The following GRID2 variants were observed in gnomAD, a reference collection of about 807,000 sequenced individuals.
GRID2 encodes the protein glutamate ionotropic receptor delta type subunit 2.
Under a neutral mutation model 114.8 loss-of-function variants are expected in GRID2, and 33 were observed. That is an observed-to-expected ratio of 0.29 (90% CI 0.22 to 0.38). GRID2 has a LOEUF of 0.38. Among genes scored for constraint, GRID2 ranks in the 10% least tolerant of loss-of-function variants. The probability of loss-of-function intolerance (pLI) is 1.00; values close to 1 mark genes in which losing one functional copy is unlikely to be tolerated. For synonymous variants in GRID2, 505 were observed against 449.9 expected (o/e 1.12, Z -1.55); for missense variants, 1,184 against 1,257.7 (o/e 0.94, Z 0.89).
At chr4:93,663,815 A>G (rs779143906) in intron 14 of GRID2, among the ~76,000 whole-genome samples, 4 of 152,328 alleles carry the variant, frequency 2.6e-5, no homozygotes, top group South Asian at 2.1e-4. Context: ...TTATCATATA[A>G]AAAGTAGTTA....
intron 2 of GRID2, among the ~76,000 whole-genome samples, chr4:92,596,087 C>A (rs1389757524): frequency 6.6e-6 from 1 of 152,158 alleles, no homozygotes; most frequent in African/African-American, 2.4e-5. Context: ...CCCCAACAGC[C>A]TGTGTTTCCT....
At chr4:93,048,604 G>T (rs1309678900) in intron 2 of GRID2, among the ~76,000 whole-genome samples, 1 of 151,970 alleles carries the variant, frequency 6.6e-6, no homozygotes, top group Non-Finnish European at 1.5e-5. Context: ...AAAATTATTT[G>T]TGTGAAAGTA....
chr4:92,776,993 T>C (rs1371684693), intron 2 of GRID2, among the ~76,000 whole-genome samples: 1 of 151,978 alleles, frequency 6.6e-6, no homozygotes, highest in African/African-American at 2.4e-5. Context: ...ATGATTGCAA[T>C]GCATGAAAGT....
chr4:93,527,780 A>T (rs905303921), intron 13 of GRID2, among the ~76,000 whole-genome samples: 5 of 151,934 alleles, frequency 3.3e-5, no homozygotes, highest in Admixed American at 6.6e-5. Context: ...ATACATTTAC[A>T]TTATTGTGCA....
chr4:92,505,510 G>A (rs979549967), intron 1 of GRID2, among the ~76,000 whole-genome samples: 2 of 151,944 alleles, frequency 1.3e-5, no homozygotes, highest in African/African-American at 4.8e-5. Context: ...ATTTTGCACA[G>A]TCAATGGTCA....
intron 2 of GRID2, among the ~76,000 whole-genome samples, chr4:92,950,613 T>G (rs1293961079): frequency 6.6e-6 from 1 of 152,180 alleles, no homozygotes; most frequent in Non-Finnish European, 1.5e-5. Context: ...TAGTTCTTCA[T>G]AGCATGCTTC....
At chr4:93,486,182 CT>C (rs1726386898) in intron 11 of GRID2, among the ~76,000 whole-genome samples, 1 of 151,514 alleles carries the variant, frequency 6.6e-6, no homozygotes, top group Middle Eastern at 3.4e-3. Flanking sequence ...TAAATAAAAT[CT>C]TTTTTTGAAC....
At chr4:92,984,654 G>A (rs1217832817) in intron 2 of GRID2, among the ~76,000 whole-genome samples, 1 of 152,140 alleles carries the variant, frequency 6.6e-6, no homozygotes, top group African/African-American at 2.4e-5. Context: ...ATAGCCTACT[G>A]ATTCCATTAG....
At chr4:93,085,596 C>G (rs940181208) in intron 3 of GRID2, among the ~76,000 whole-genome samples, 4 of 151,910 alleles carry the variant, frequency 2.6e-5, no homozygotes, top group Admixed American at 1.3e-4. Context: ...AAAACAACAC[C>G]GTCTTTCTTC....
intron 14 of GRID2, among the ~76,000 whole-genome samples, chr4:93,756,103 TATA>T (rs1732721645): frequency 6.6e-6 from 1 of 152,200 alleles, no homozygotes; most frequent in Admixed American, 6.5e-5. Context: ...AAAAGAAGGA[TATA>T]ACATTTATAT....
chr4:93,178,380 A>ATTTTT lies in GRID2; in HGVS notation c.736-28998_736-28994dup, dbSNP rs11428288. ...CTTATATTGTTTTCCTTGAAAATAG[A>ATTTTT]TTTTTTTTTTTTTTTTTTTTTTTTT... On this transcript the variant is annotated intron_variant, in intron 4 of 15. Coordinates refer to ENST00000282020, the MANE Select transcript of GRID2 (RefSeq NM_001510.4). Among the ~76,000 whole-genome samples, 76 of 50,324 alleles carry ATTTTT rather than the reference A, an allele frequency of 1.5e-3. 7 individuals carry two copies. Among genetic ancestry groups the ATTTTT allele is most frequent in the African/African-American group, 3.7e-3 (47 of 12,562 alleles). The allele number at this position is 50,324 out of a possible 152,430, so 33.0% of individuals were successfully genotyped here.
At chr4:93,711,982 T>C (rs1728524833) in intron 14 of GRID2, among the ~76,000 whole-genome samples, 1 of 152,216 alleles carries the variant, frequency 6.6e-6, no homozygotes, top group Non-Finnish European at 1.5e-5. Flanking sequence ...TTGCTCTGCC[T>C]GTGCTCTGAG....
At chr4:93,244,736 A>G (rs998686610) in intron 8 of GRID2, among the ~76,000 whole-genome samples, 2 of 151,040 alleles carry the variant, frequency 1.3e-5, no homozygotes, top group Non-Finnish European at 3.0e-5. Flanking sequence ...ATTGCTTTGT[A>G]CTTATAAGGA....
At chr4:93,274,627 A>C (rs568494098) in intron 8 of GRID2, among the ~76,000 whole-genome samples, 1 of 152,198 alleles carries the variant, frequency 6.6e-6, no homozygotes, top group South Asian at 2.1e-4. Flanking sequence ...AGTGACAGAG[A>C]CTATATCTTC....
intron 2 of GRID2, among the ~76,000 whole-genome samples, chr4:93,077,262 T>A (rs375222938): frequency 6.6e-6 from 1 of 152,174 alleles, no homozygotes; most frequent in South Asian, 2.1e-4. Flanking sequence ...AGTGAAGAAA[T>A]AATCGAAGAT....
intron 2 of GRID2, among the ~76,000 whole-genome samples, chr4:92,650,705 A>G (rs568636563): frequency 5.9e-5 from 9 of 152,038 alleles, no homozygotes; most frequent in African/African-American, 2.2e-4. Flanking sequence ...AGCAGAGTAT[A>G]AAGTTATAGA....
chr4:93,349,176 A>G (rs909655857), intron 8 of GRID2, among the ~76,000 whole-genome samples: 3 of 152,164 alleles, frequency 2.0e-5, no homozygotes, highest in African/African-American at 7.2e-5. Context: ...GTCACAAATT[A>G]TATGTTCACA....
chr4:93,063,062 C>T (rs1303219374), intron 2 of GRID2, among the ~76,000 whole-genome samples: 1 of 151,838 alleles, frequency 6.6e-6, no homozygotes, highest in Non-Finnish European at 1.5e-5. Flanking sequence ...TGTTTCAAGA[C>T]TCTTATCTGG....
chr4:92,869,322 A>T (rs1216688546), intron 2 of GRID2, among the ~76,000 whole-genome samples: 2 of 152,196 alleles, frequency 1.3e-5, no homozygotes, highest in African/African-American at 4.8e-5. Context: ...TCAATACAGA[A>T]GCTTTTAGCA....
Sources: allele counts gnomAD v4.1 joint callset (sites outside exome capture counted in the v4.1 genomes callset), GRCh38; gene constraint gnomAD v4.1.1; transcripts MANE v1.5; gene names NCBI Gene and HGNC (gene_info 2026-07-23, HGNC 2026-07-21).